TRNP1: variants seen among roughly 807,000 people sequenced by gnomAD.
TRNP1 encodes the protein TMF1 regulated nuclear protein 1, also known as TMF-regulated nuclear protein 1.
Under a neutral mutation model 12.2 loss-of-function variants are expected in TRNP1, and 16 were observed. The observed-to-expected ratio is 1.31, with a 90% CI of 0.89 to 1.99. The LOEUF (loss-of-function observed/expected upper bound fraction) is 1.99, where lower values mean the gene tolerates loss of function less well. Among genes scored for constraint, TRNP1 ranks in the 30% most tolerant of loss-of-function variants. The probability of loss-of-function intolerance (pLI) is 0.00; values close to 1 mark genes in which losing one functional copy is unlikely to be tolerated. For synonymous variants in TRNP1, 139 were observed against 166.2 expected, an observed-to-expected ratio of 0.84 and a Z score of 1.26; for missense variants, 338 against 330.4, an observed-to-expected ratio of 1.02 and a Z score of -0.18.
intron 1 of TRNP1, among the ~76,000 whole-genome samples, chr1:26,996,727 G>C (rs973337519): frequency 6.6e-6 from 1 of 152,116 alleles, no homozygotes; most frequent in African/African-American, 2.4e-5. Context: ...GGATTTATTT[G>C]TAATCAGCTT....
intron 1 of TRNP1, among the ~76,000 whole-genome samples, chr1:26,997,701 G>A (rs570305059): frequency 6.6e-6 from 1 of 152,292 alleles, no homozygotes; most frequent in South Asian, 2.1e-4. Flanking sequence ...AAAGGGAAAT[G>A]AGGGGGGAAC....
rs904887943 is a variant in TRNP1 at position 27,000,157 on chromosome 1, TA to T, written c.*454del. The stretch of plus-strand genomic sequence containing the variant: ...TGCCAATGGGAAAGTCAAAATAATT[TA>T]TTTTTTTTCCCTTTCCCCCTACCCC... On this transcript the variant is annotated 3_prime_UTR_variant, in exon 2 of 2. Transcript: ENST00000522111. 2 of 152,242 alleles carry T rather than the reference TA, an allele frequency of 1.3e-5. No homozygotes were observed. The highest frequency in any genetic ancestry group is 2.9e-5 in the Non-Finnish European group (2 of 68,052). 9.4% of individuals were successfully genotyped at this position (152,242 alleles called of 1,614,324 possible). A position where few individuals can be genotyped will look rare whatever the true frequency, so the allele number is the denominator to read the frequency against.
rs2082533262 is a variant in TRNP1, at chr1:26,994,199, A to G, written c.413A>G (p.Glu138Gly). 1.5e-6 allele frequency: 2 copies of G among 1,292,366 alleles called. No individual in the cohort carries two copies. The highest frequency in any genetic ancestry group is 3.1e-5 in the African/African-American group (2 of 64,302). The allele number at this position is 1,292,366 out of a possible 1,614,324, so 80.1% of individuals were successfully genotyped here. A position where few individuals can be genotyped will look rare whatever the true frequency, so the allele number is the denominator to read the frequency against. Residue 138 changes from glutamate to glycine, a missense_variant, in exon 1 of 2, where the codon GAG becomes GGG. Glu to Gly is a moderately conservative substitution (Grantham distance 98). Transcript: ENST00000522111. The surrounding 1 kb of genome is among the most constrained non-coding windows in gnomAD (Gnocchi z 6.9). The stretch of plus-strand genomic sequence containing the variant: ...CTGCACCGCGTTTTCTTGGCGGCCG[A>G]GCTGCGCCTGGCGCACCGCGCGGAG... The part of the protein sequence containing the change: ...LQLHRVFLAA[E>G]LRLAHRAESL...
chr1:26,997,860 G>C (rs1272284521), intron 1 of TRNP1, among the ~76,000 whole-genome samples: 1 of 152,140 alleles, frequency 6.6e-6, no homozygotes, highest in Non-Finnish European at 1.5e-5. Flanking sequence ...GTGTGGCCTG[G>C]AGGAGGTTCA....
chr1:26,993,914 C>T lies in TRNP1; in HGVS notation c.128C>T (p.Thr43Ile). ...CCCCCGCCCCCAACTCCGACCTTGA[C>T]TCCTACCCCGACCCCGGGTCAGTCC... ...SQPPPPTPTL[T>I]PTPTPGQSPP... The change falls in exon 1 of 2, where the codon ACT (threonine) becomes ATT (isoleucine). Residue 43 changes from threonine (T) to isoleucine (I), a missense_variant. Physicochemically the swap from Thr to Ile is moderately conservative, Grantham distance 89 (BLOSUM62 -1). Coordinates refer to ENST00000522111, the MANE Select transcript of TRNP1 (RefSeq NM_001013642.3). 2.9e-6 allele frequency: 4 copies of T among 1,370,640 alleles called. No individual in the cohort carries two copies. Among genetic ancestry groups the T allele is most frequent in the Non-Finnish European group, 3.7e-6 (4 of 1,069,614 alleles). 84.9% of individuals were successfully genotyped at this position (1,370,640 alleles called of 1,614,324 possible).
intron 1 of TRNP1, among the ~76,000 whole-genome samples, chr1:26,998,663 G>A (rs1005430152): frequency 2.7e-4 from 41 of 152,140 alleles, no homozygotes; most frequent in African/African-American, 8.9e-4. Flanking sequence ...GGCCAGGGGC[G>A]ATGGGGGAAG....
At chr1:26,995,247 G>A (rs2082539684) in intron 1 of TRNP1, among the ~76,000 whole-genome samples, 1 of 152,214 alleles carries the variant, frequency 6.6e-6, no homozygotes, top group Admixed American at 6.5e-5. Context: ...CTCACCCAGG[G>A]ATCCTTACAT....
chr1:26,996,886 A>G (rs2082547654), intron 1 of TRNP1, among the ~76,000 whole-genome samples: 2 of 151,972 alleles, frequency 1.3e-5, no homozygotes, highest in Admixed American at 6.6e-5. Flanking sequence ...CAGATGTCCC[A>G]CTGCTCCTCA....
chr1:26,999,696 C>T (rs912055485), intron 1 of TRNP1, among the ~76,000 whole-genome samples, 151 bp from the exon 2 acceptor site: 14 of 152,148 alleles, frequency 9.2e-5, no homozygotes, highest in African/African-American at 2.9e-4. Flanking sequence ...CCTCTGCTTC[C>T]CCAGGAGTCC....
rs2082535632 is a variant in TRNP1 at position 26,994,527 on chromosome 1, C to T, written c.*57C>T. ...AAGCTTCGCCGAGGTGCCGACCGAC[C>T]GACTGATCGCGGACGCCGGCTGGAA... On this transcript the variant is annotated 3_prime_UTR_variant, in exon 1 of 2. Transcript: ENST00000522111. The surrounding 1 kb of genome is among the most constrained non-coding windows in gnomAD (Gnocchi z 6.9). 3 of 1,097,108 alleles carry T rather than the reference C, an allele frequency of 2.7e-6. No homozygotes were observed. The highest frequency in any genetic ancestry group is 1.7e-5 in the African/African-American group (1 of 60,010). 68.0% of individuals were successfully genotyped at this position (1,097,108 alleles called of 1,614,324 possible). A position where few individuals can be genotyped will look rare whatever the true frequency, so the allele number is the denominator to read the frequency against.
chr1:26,998,753 TC>T (rs2082557723), intron 1 of TRNP1, among the ~76,000 whole-genome samples: 1 of 152,136 alleles, frequency 6.6e-6, no homozygotes, highest in Non-Finnish European at 1.5e-5. Context: ...ATTAATCTGT[TC>T]CGGTTCTCCC....
At position 26,994,378 on chromosome 1, in the gene TRNP1, G is replaced by A. The variant is rs1557698409; in HGVS notation, c.592G>A (p.Gly198Ser). 9.1e-7 allele frequency: 1 copy of A among 1,102,748 alleles called. No homozygotes were observed. Among genetic ancestry groups the A allele is most frequent in the Non-Finnish European group, 1.1e-6 (1 of 906,504 alleles). The allele number at this position is 1,102,748 out of a possible 1,614,324, so 68.3% of individuals were successfully genotyped here. A position where few individuals can be genotyped will look rare whatever the true frequency, so the allele number is the denominator to read the frequency against. ...GGGCCTGGGCGGCTGCGTGCCCTGG[G>A]GTGCCGGGCGACTGCGGCGCGGCCA... ...ALGLGGCVPW[G>S]AGRLRRGHGP... is the part of the protein sequence containing the mutation. The change falls in exon 1 of 2, where the codon GGT becomes AGT. Residue 198 changes from glycine to serine, a missense_variant. Physicochemically the swap from Gly to Ser is moderately conservative, Grantham distance 56 (BLOSUM62 0). Coordinates refer to ENST00000522111, the MANE Select transcript of TRNP1 (RefSeq NM_001013642.3). This position sits in a 1 kb window ranked among gnomAD's most constrained non-coding sequence, Gnocchi z 6.9.
intron 1 of TRNP1, among the ~76,000 whole-genome samples, chr1:26,995,203 A>C (rs1435065878): frequency 6.6e-6 from 1 of 151,814 alleles, no homozygotes; most frequent in Non-Finnish European, 1.5e-5. Flanking sequence ...TTACAGCCTG[A>C]CTCACATAAC....
At position 26,993,905 on chromosome 1, in the gene TRNP1, C is replaced by G; in HGVS notation, c.119C>G (p.Pro40Arg). 2.2e-6 allele frequency: 3 copies of G among 1,380,622 alleles called. No individual in the cohort carries two copies. Among genetic ancestry groups the G allele is most frequent in the Non-Finnish European group, 2.8e-6 (3 of 1,074,770 alleles). 85.5% of individuals were successfully genotyped at this position (1,380,622 alleles called of 1,614,324 possible). A position where few individuals can be genotyped will look rare whatever the true frequency, so the allele number is the denominator to read the frequency against. The change falls in exon 1 of 2, where the codon CCG becomes CGG. Residue 40 changes from proline to arginine, a missense_variant. Pro to Arg is a moderately radical substitution (Grantham distance 103). Transcript: ENST00000522111. ...MPSSQPPPPT[P>R]TLTPTPTPGQ... ...TCCTCTCAGCCCCCGCCCCCAACTC[C>G]GACCTTGACTCCTACCCCGACCCCG...
At position 26,993,700 on chromosome 1, in the gene TRNP1, GGCTGTGGCCGTGTCTAGCTGTTCGGGTGT is replaced by G. The variant is rs1228904428; in HGVS notation, c.-79_-51del. 7.3e-6 allele frequency: 9 copies of G among 1,236,022 alleles called. No homozygotes were observed. Among genetic ancestry groups the G allele is most frequent in the African/African-American group, 6.4e-5 (4 of 62,940 alleles). 76.6% of individuals were successfully genotyped at this position (1,236,022 alleles called of 1,614,324 possible). ...ACGGCGGGCGCGCCTCTGGGGTGGG[GGCTGTGGCCGTGTCTAGCTGTTCGGGTGT>G]GCTGTGGTCATCCTCCCTGCGCACC... On this transcript the variant is annotated 5_prime_UTR_variant, in exon 1 of 2. Coordinates refer to ENST00000522111, the MANE Select transcript of TRNP1 (RefSeq NM_001013642.3).
chr1:26,993,863 C>G lies in TRNP1; in HGVS notation c.77C>G (p.Pro26Arg), dbSNP rs758189235. Residue 26 changes from proline (P) to arginine (R), a missense_variant, in exon 1 of 2, where the codon CCC (proline) becomes CGC (arginine). By Grantham distance (103) the Pro-to-Arg change is moderately radical (BLOSUM62 -2). Coordinates refer to ENST00000522111, the MANE Select transcript of TRNP1 (RefSeq NM_001013642.3). ...GCAGAGCAGAGGTCGCCGCCGCCGC[C>G]CTGGGATCCCATGCCGTCCTCTCAG... ...GTAEQRSPPP[P>R]WDPMPSSQPP... is the part of the protein sequence containing the mutation. 1 of 1,359,584 alleles carries G rather than the reference C, an allele frequency of 7.4e-7. No homozygotes were observed. Among genetic ancestry groups the G allele is most frequent in the African/African-American group, 1.5e-5 (1 of 65,278 alleles). 84.2% of individuals were successfully genotyped at this position (1,359,584 alleles called of 1,614,324 possible). A position where few individuals can be genotyped will look rare whatever the true frequency, so the allele number is the denominator to read the frequency against.
In TRNP1 at chr1:26,993,775, G is replaced by A. The variant is rs2082528991; in HGVS notation, c.-12G>A. 1.5e-6 allele frequency: 2 copies of A among 1,310,954 alleles called. No individual in the cohort carries two copies. Among genetic ancestry groups the A allele is most frequent in the South Asian group, 2.1e-5 (1 of 47,042 alleles). 81.2% of individuals were successfully genotyped at this position (1,310,954 alleles called of 1,614,324 possible). ...GCACCTACAGCCGCAGACCGCCGGT[G>A]GGGGGCGGGGGATGCCGGGCTGCCG... is the stretch of plus-strand genomic sequence containing the variant. On this transcript the variant is annotated 5_prime_UTR_variant, in exon 1 of 2. Coordinates refer to ENST00000522111, the MANE Select transcript of TRNP1 (RefSeq NM_001013642.3).
At position 26,994,528 on chromosome 1, in the gene TRNP1, G is replaced by T. The variant is rs1428885227; in HGVS notation, c.*58G>T. 7.3e-6 allele frequency: 8 copies of T among 1,099,042 alleles called. No individual in the cohort carries two copies. The highest frequency in any genetic ancestry group is 4.4e-5 in the South Asian group (1 of 22,582). The allele number at this position is 1,099,042 out of a possible 1,614,324, so 68.1% of individuals were successfully genotyped here. Reference sequence around the variant, plus strand: ...AGCTTCGCCGAGGTGCCGACCGACCGACTGATCGCGGACGCCGGCTGGAAG... The same window carrying T: ...AGCTTCGCCGAGGTGCCGACCGACCTACTGATCGCGGACGCCGGCTGGAAG... On this transcript the variant is annotated 3_prime_UTR_variant, in exon 1 of 2. Coordinates refer to ENST00000522111, the MANE Select transcript of TRNP1 (RefSeq NM_001013642.3). This position sits in a 1 kb window ranked among gnomAD's most constrained non-coding sequence, Gnocchi z 6.9.
Position 26,994,528 on chromosome 1 carries a change from GA to G in TRNP1, c.*59del. 4 of 1,099,046 alleles carry G rather than the reference GA, an allele frequency of 3.6e-6. No individual in the cohort carries two copies. The highest frequency in any genetic ancestry group is 4.5e-6 in the Non-Finnish European group (4 of 898,276). The allele number at this position is 1,099,046 out of a possible 1,614,324, so 68.1% of individuals were successfully genotyped here. A position where few individuals can be genotyped will look rare whatever the true frequency, so the allele number is the denominator to read the frequency against. ...AGCTTCGCCGAGGTGCCGACCGACC[GA>G]CTGATCGCGGACGCCGGCTGGAAGG... On this transcript the variant is annotated 3_prime_UTR_variant, in exon 1 of 2. Coordinates refer to ENST00000522111, the MANE Select transcript of TRNP1 (RefSeq NM_001013642.3). The surrounding 1 kb of genome is among the most constrained non-coding windows in gnomAD (Gnocchi z 6.9).
Sources: gnomAD v4.1 joint callset for allele counts (sites outside exome capture counted in the v4.1 genomes callset) on GRCh38, gnomAD v4.1.1 for gene constraint, Gnocchi (gnomAD v3.1) non-coding constraint, MANE v1.5 for transcripts, NCBI Gene and HGNC (gene_info 2026-07-23, HGNC 2026-07-21) for gene names.